HNRNPR: variants seen among roughly 807,000 people sequenced by gnomAD.
The protein encoded by HNRNPR is heterogeneous nuclear ribonucleoprotein R.
Under a neutral mutation model 70.3 loss-of-function variants are expected in HNRNPR, and 4 were observed. The observed-to-expected ratio is 0.06, with a 90% CI of 0.03 to 0.13. HNRNPR has a LOEUF of 0.13. Ranked by LOEUF, HNRNPR falls within the 10% of genes least tolerant of loss-of-function variation. The pLI, the probability that HNRNPR is intolerant of heterozygous loss-of-function variation, is 1.00. For missense variants in HNRNPR, 423 were observed against 788.5 expected (o/e 0.54, Z 5.55); for synonymous variants, 241 against 267.6 (o/e 0.90, Z 0.97).
chr1:23,337,986 G>A (rs1646565208), intron 3 of HNRNPR, 125 bp from the exon 4 acceptor site: 1 of 666,280 alleles, frequency 1.5e-6, no homozygotes, highest in African/African-American at 1.8e-5. Flanking sequence ...CATTCAACAA[G>A]TATTTGCCGA....
At chr1:23,341,134 A>C in intron 1 of HNRNPR, 117 bp from the exon 2 acceptor site, 1 of 692,526 alleles carries the variant, frequency 1.4e-6, no homozygotes, top group Non-Finnish European at 2.4e-6. Context: ...CTCTATCAAA[A>C]TAATAATTTA....
In HNRNPR at chr1:23,343,187, T is replaced by C. The variant is rs1298381896; in HGVS notation, c.-10+1024A>G. Reference sequence around the variant, plus strand: ...TGACTGGAGTCATTTGATCTAAACATTTTTGCAAAAAAAAAGGAGACATTT... The same window carrying C: ...TGACTGGAGTCATTTGATCTAAACACTTTTGCAAAAAAAAAGGAGACATTT... On this transcript the variant is annotated intron_variant, in intron 1 of 10. Transcript: ENST00000302271. Among the ~76,000 whole-genome samples the C allele has an allele frequency of 2.0e-5, 3 of 152,048 alleles. No individual in the cohort carries two copies. The East Asian group carries it at 5.8e-4, about 29-fold the overall frequency.
Position 23,312,846 on chromosome 1 carries a change from T to C in HNRNPR, c.1167+707A>G, listed in dbSNP as rs529423479. Reference sequence around the variant, plus strand: ...AATAACATAAATAAGATTTTAGTAGTGTTTTGTCTTGCTCCCACCCCCCCA... The same window carrying C: ...AATAACATAAATAAGATTTTAGTAGCGTTTTGTCTTGCTCCCACCCCCCCA... On this transcript the variant is annotated intron_variant, in intron 9 of 10. Transcript: ENST00000302271. 3.9e-5 allele frequency among the ~76,000 whole-genome samples: 6 copies of C among 152,158 alleles called. No individual in the cohort carries two copies. The East Asian group carries it at 5.8e-4, about 15-fold the overall frequency.
At chr1:23,321,957 A>G (rs1480918306) in intron 6 of HNRNPR, among the ~76,000 whole-genome samples, 1 of 152,166 alleles carries the variant, frequency 6.6e-6, no homozygotes, top group African/African-American at 2.4e-5. Context: ...GTTTTTCCAC[A>G]GATTTTTCAG....
intron 5 of HNRNPR, among the ~76,000 whole-genome samples, chr1:23,325,423 T>C (rs1390094613): frequency 6.6e-6 from 1 of 152,228 alleles, no homozygotes; most frequent in East Asian, 1.9e-4. Context: ...TCACTTTCAC[T>C]GCTATCTGGT....
rs577457270 is a variant in HNRNPR, at chr1:23,344,232, A to G, written c.-31T>C. On this transcript the variant is annotated 5_prime_UTR_variant, in exon 1 of 11. Coordinates refer to ENST00000302271, the MANE Select transcript of HNRNPR (RefSeq NM_005826.5). ...TCACCAGGGCAGAGCGGGGGCCGGC[A>G]GCCGGGCCCGTGAGAATCAGCGCGA... 2.0e-5 allele frequency: 3 copies of G among 151,634 alleles called. No individual in the cohort carries two copies. The highest frequency in any genetic ancestry group is 7.3e-5 in the African/African-American group (3 of 41,228). The allele number at this position is 151,634 out of a possible 1,614,324, so 9.4% of individuals were successfully genotyped here. A position where few individuals can be genotyped will look rare whatever the true frequency, so the allele number is the denominator to read the frequency against.
intron 6 of HNRNPR, among the ~76,000 whole-genome samples, chr1:23,322,602 A>G (rs1334061604): frequency 6.6e-6 from 1 of 152,224 alleles, no homozygotes; most frequent in African/African-American, 2.4e-5. Context: ...ATTATTAAAA[A>G]TAAAATCATC....
chr1:23,323,342 G>A (rs1557866460), intron 6 of HNRNPR, among the ~76,000 whole-genome samples: 1 of 150,098 alleles, frequency 6.7e-6, no homozygotes, highest in Non-Finnish European at 1.5e-5. Context: ...ATCAATGGGA[G>A]ACTTTCTATA....
In HNRNPR at chr1:23,318,954, T is replaced by G. The variant is rs997972939; in HGVS notation, c.812-266A>C. On this transcript the variant is annotated intron_variant, in intron 7 of 10. Transcript: ENST00000302271. The surrounding 1 kb of genome is among the most constrained non-coding windows in gnomAD (Gnocchi z 4.2). ...TCTGACATTTAACATGCTACAATGT[T>G]TTAGAGCGTTTGATATAACATGACT... is the stretch of plus-strand genomic sequence containing the variant. Among the ~76,000 whole-genome samples the G allele has an allele frequency of 6.6e-6, 1 of 152,200 alleles. No homozygotes were observed. Among genetic ancestry groups the G allele is most frequent in the African/African-American group, 2.4e-5 (1 of 41,446 alleles).
intron 6 of HNRNPR, among the ~76,000 whole-genome samples, chr1:23,322,860 CTG>C (rs1463135317): frequency 2.6e-5 from 4 of 152,140 alleles, no homozygotes; most frequent in Admixed American, 1.3e-4. Context: ...ACTGAGATAG[CTG>C]TGTCTTAAAT....
chr1:23,328,590 C>T (rs1646092296), intron 5 of HNRNPR, among the ~76,000 whole-genome samples: 1 of 152,184 alleles, frequency 6.6e-6, no homozygotes, highest in Non-Finnish European at 1.5e-5. Context: ...ACCTCCACCT[C>T]CCAGATTCAA....
chr1:23,327,946 C>T (rs1414013256), intron 5 of HNRNPR, among the ~76,000 whole-genome samples: 3 of 146,708 alleles, frequency 2.0e-5, no homozygotes, highest in Non-Finnish European at 4.5e-5. Flanking sequence ...TCACTTGAGG[C>T]CAGCCAGGAG....
At chr1:23,343,576 C>G (rs552222094) in intron 1 of HNRNPR, among the ~76,000 whole-genome samples, 5 of 152,342 alleles carry the variant, frequency 3.3e-5, no homozygotes, top group Non-Finnish European at 5.9e-5. Context: ...TTATCCATTT[C>G]AGGCGCCGCT....
intron 1 of HNRNPR, among the ~76,000 whole-genome samples, chr1:23,342,951 A>G (rs1248045144): frequency 6.6e-6 from 1 of 152,256 alleles, no homozygotes; most frequent in Non-Finnish European, 1.5e-5. Flanking sequence ...AAGTTTGTAA[A>G]TTTTAACAAA....
At chr1:23,333,712 G>T in intron 4 of HNRNPR, 81 bp from the exon 5 acceptor site, 1 of 761,442 alleles carries the variant, frequency 1.3e-6, no homozygotes. Context: ...TTTCCAAAAA[G>T]GACTCCAACT....
At chr1:23,333,750 G>A (rs1280646317) in intron 4 of HNRNPR, 119 bp from the exon 5 acceptor site, 2 of 575,250 alleles carry the variant, frequency 3.5e-6, no homozygotes, top group Non-Finnish European at 6.1e-6. Flanking sequence ...TTATGGTTAG[G>A]TAAAAAAAAA....
intron 4 of HNRNPR, 77 bp downstream of exon 4, chr1:23,337,677 T>G: frequency 1.1e-6 from 1 of 909,762 alleles, no homozygotes; most frequent in Non-Finnish European, 1.7e-6. Flanking sequence ...AGTGAAACTT[T>G]CTAGGAAACA....
At position 23,310,964 on chromosome 1, in the gene HNRNPR, G is replaced by A; in HGVS notation, c.1392C>T (p.Tyr464=). The A allele has an allele frequency of 6.2e-7, 1 of 1,614,150 alleles. No homozygotes were observed. The highest frequency in any genetic ancestry group is 1.1e-5 in the South Asian group (1 of 91,074). Residue 464 remains tyrosine, a synonymous_variant, in exon 11 of 11, where the codon TAC becomes TAT. Coordinates refer to ENST00000302271, the MANE Select transcript of HNRNPR (RefSeq NM_005826.5). The surrounding 1 kb of genome is among the most constrained non-coding windows in gnomAD (Gnocchi z 6.0). The part of the protein sequence containing the change: ...GRGGYGYPPD[Y]YGYEDYYDDY... ...CATCATAGTAATCTTCATAGCCGTA[G>A]TAATCTGGAGGGTAGCCATATCCAC...
Position 23,318,361 on chromosome 1 carries a change from C to T in HNRNPR, c.1017+122G>A. The T allele has an allele frequency of 1.2e-6, 1 of 803,284 alleles. No individual in the cohort carries two copies. Among genetic ancestry groups the T allele is most frequent in the Non-Finnish European group, 2.0e-6 (1 of 506,204 alleles). The allele number at this position is 803,284 out of a possible 1,614,324, so 49.8% of individuals were successfully genotyped here. On this transcript the variant is annotated intron_variant, in intron 8 of 10. Transcript: ENST00000302271. The surrounding 1 kb of genome is among the most constrained non-coding windows in gnomAD (Gnocchi z 4.2). ...ACTTTAGTGTTAAAGCCGCTCCTTG[C>T]CAAACAGTTGAAGTCTAAAGCTACA...
Sources: gnomAD v4.1 joint callset for allele counts (sites outside exome capture counted in the v4.1 genomes callset) on GRCh38, gnomAD v4.1.1 for gene constraint, Gnocchi (gnomAD v3.1) non-coding constraint, MANE v1.5 for transcripts, NCBI Gene and HGNC (gene_info 2026-07-23, HGNC 2026-07-21) for gene names.